CFAP61: variants seen among roughly 807,000 people sequenced by gnomAD.
CFAP61 encodes cilia and flagella associated protein 61, also known as cilia- and flagella-associated protein 61.
A neutral mutation model predicts 135.6 loss-of-function variants in CFAP61; 107 were observed. The ratio of observed to expected loss-of-function variants is 0.79; its 90% CI spans 0.67 to 0.93. The LOEUF (loss-of-function observed/expected upper bound fraction) is 0.93, where lower values mean the gene tolerates loss of function less well. Among genes scored for constraint, CFAP61 ranks in the 40% least tolerant of loss-of-function variants. The pLI, the probability that CFAP61 is intolerant of heterozygous loss-of-function variation, is 0.00. For missense variants in CFAP61, 1,507 were observed against 1,556.2 expected, an observed-to-expected ratio of 0.97 and a Z score of 0.53; for synonymous variants, 575 against 578.5, an observed-to-expected ratio of 0.99 and a Z score of 0.09.
chr20:20,231,643 G>A (rs965354417), intron 18 of CFAP61, among the ~76,000 whole-genome samples: 6 of 152,192 alleles, frequency 3.9e-5, no homozygotes, highest in African/African-American at 1.4e-4. Flanking sequence ...GAGCCCAGGA[G>A]GAAAGGACCC....
intron 19 of CFAP61, among the ~76,000 whole-genome samples, chr20:20,246,960 A>C (rs1161986323): frequency 2.6e-5 from 4 of 152,202 alleles, no homozygotes; most frequent in African/African-American, 9.7e-5. Context: ...GTTCGTTTCC[A>C]CTTTATAATT....
intron 26 of CFAP61, among the ~76,000 whole-genome samples, chr20:20,356,188 ACACTGAGGGGAGGTGGTCATACTGTG>A (rs2059149231): frequency 7.2e-6 from 1 of 139,596 alleles, no homozygotes; most frequent in African/African-American, 2.7e-5. Flanking sequence ...GGGGGTGGTC[ACACTGAGGGGAGGTGGTCATACTGTG>A]AGTGAGGAGC....
intron 9 of CFAP61, among the ~76,000 whole-genome samples, chr20:20,145,194 C>A (rs563276253): frequency 6.6e-6 from 1 of 152,112 alleles, no homozygotes; most frequent in East Asian, 1.9e-4. Context: ...ACAAAAATAG[C>A]GCCGGGTTTA....
intron 17 of CFAP61, among the ~76,000 whole-genome samples, chr20:20,202,211 T>G (rs9941727): frequency 0.049 from 7,500 of 152,224 alleles, 244 homozygotes; most frequent in Middle Eastern, 0.11. Context: ...AGCCAAGATG[T>G]ATTGTTGAAA....
At position 20,168,524 on chromosome 20, in the gene CFAP61, G is replaced by A. The variant is rs139613565; in HGVS notation, c.1246-797G>A. Among the ~76,000 whole-genome samples, 11 of 152,188 alleles carry A rather than the reference G, an allele frequency of 7.2e-5. No individual in the cohort carries two copies. The East Asian group carries it at 2.1e-3, about 29-fold the overall frequency. ...CATCAGAAATAGTTCATCTGTATTT[G>A]TATGTTATAAAATTTACAGTTGGAT... On this transcript the variant is annotated intron_variant, in intron 12 of 26. Coordinates refer to ENST00000245957, the MANE Select transcript of CFAP61 (RefSeq NM_015585.4).
At chr20:20,100,170 A>C (rs1341823554) in intron 8 of CFAP61, among the ~76,000 whole-genome samples, 1 of 148,942 alleles carries the variant, frequency 6.7e-6, no homozygotes, top group Admixed American at 6.7e-5. Context: ...AGCAGCACTA[A>C]ATGGCCTTTT....
At chr20:20,161,669 T>G (rs774680910) in intron 10 of CFAP61, among the ~76,000 whole-genome samples, 2 of 152,152 alleles carry the variant, frequency 1.3e-5, no homozygotes, top group Admixed American at 6.5e-5. Context: ...GAACACTGGA[T>G]CCCTGCAGAC....
chr20:20,166,505 A>G (rs1048701915), intron 12 of CFAP61, 69 bp downstream of exon 12: 6 of 1,239,834 alleles, frequency 4.8e-6, no homozygotes, highest in Non-Finnish European at 5.9e-6. Context: ...GTAAAATGCC[A>G]TAAATTTATT....
intron 2 of CFAP61, among the ~76,000 whole-genome samples, chr20:20,061,195 G>T (rs2044772160): frequency 6.6e-6 from 1 of 151,826 alleles, no homozygotes; most frequent in Admixed American, 6.6e-5. Flanking sequence ...TCTATAGAGG[G>T]AAAAATGGAA....
At chr20:20,112,718 C>T (rs2048882478) in intron 8 of CFAP61, among the ~76,000 whole-genome samples, 1 of 152,088 alleles carries the variant, frequency 6.6e-6, no homozygotes. Context: ...GCTGATTGTT[C>T]GAATGTTTTC....
Position 20,098,646 on chromosome 20 carries a change from A to G in CFAP61, c.700-9A>G. 1.4e-6 allele frequency: 2 copies of G among 1,392,520 alleles called. No individual in the cohort carries two copies. The highest frequency in any genetic ancestry group is 2.0e-6 in the Non-Finnish European group (2 of 1,015,876). 86.3% of individuals were successfully genotyped at this position (1,392,520 alleles called of 1,614,324 possible). ...AAAAAAGAATAATGAGGTGTTTTGG[A>G]TATTTCAGGTGGAAGGCACAGCTGT... On this transcript the variant is annotated splice_polypyrimidine_tract_variant and intron_variant, in intron 7 of 26. Transcript: ENST00000245957.
chr20:20,237,403 A>C (rs2049677500), intron 18 of CFAP61, among the ~76,000 whole-genome samples: 1 of 152,126 alleles, frequency 6.6e-6, no homozygotes, highest in South Asian at 2.1e-4. Flanking sequence ...CCCAAGGTGG[A>C]GCTGGGCAAG....
intron 17 of CFAP61, among the ~76,000 whole-genome samples, chr20:20,211,711 A>C (rs1340763861): frequency 6.6e-6 from 1 of 152,140 alleles, no homozygotes; most frequent in Non-Finnish European, 1.5e-5. Context: ...ATTGTGTCCC[A>C]GGTTTTGTTT....
intron 18 of CFAP61, among the ~76,000 whole-genome samples, chr20:20,231,355 CG>C (rs1351390651): frequency 6.6e-6 from 1 of 152,138 alleles, no homozygotes; most frequent in Non-Finnish European, 1.5e-5. Flanking sequence ...CCTCCAGCAC[CG>C]GGAGACATGC....
intron 7 of CFAP61, among the ~76,000 whole-genome samples, chr20:20,095,126 G>T (rs1568888231): frequency 2.0e-5 from 3 of 151,370 alleles, no homozygotes; most frequent in East Asian, 1.9e-4. Context: ...GTTCTTGAGG[G>T]TTTTTTTTTA....
At position 20,320,199 on chromosome 20, in the gene CFAP61, A is replaced by G. The variant is rs888290880; in HGVS notation, c.3423-21632A>G. ...ACCCTATTTGGATCCTGATTCAGATAAACTGTTAAACAAAAATCTGTGCCA... is the reference window on the plus strand; with the variant it reads ...ACCCTATTTGGATCCTGATTCAGATGAACTGTTAAACAAAAATCTGTGCCA... On this transcript the variant is annotated intron_variant, in intron 25 of 26. Transcript: ENST00000245957. 6.7e-5 allele frequency among the ~76,000 whole-genome samples: 10 copies of G among 149,784 alleles called. No homozygotes were observed. In the East Asian group the frequency reaches 1.8e-3, roughly 26 times the overall value.
At chr20:20,066,686 C>G (rs1264260961) in intron 2 of CFAP61, among the ~76,000 whole-genome samples, 2 of 151,568 alleles carry the variant, frequency 1.3e-5, no homozygotes, top group African/African-American at 4.8e-5. Context: ...GGGGTGGGGG[C>G]TAGGGGAGGG....
intron 21 of CFAP61, among the ~76,000 whole-genome samples, chr20:20,275,677 C>T (rs992931608): frequency 2.0e-5 from 3 of 152,196 alleles, no homozygotes; most frequent in Non-Finnish European, 2.9e-5. Context: ...GAGACCTAAA[C>T]ACACTTAAAT....
chr20:20,287,676 T>C (rs948403478), intron 22 of CFAP61, among the ~76,000 whole-genome samples: 3 of 152,190 alleles, frequency 2.0e-5, no homozygotes, highest in Non-Finnish European at 2.9e-5. Flanking sequence ...AGTGGGGAGA[T>C]GACCATCAGT....
Sources: gnomAD v4.1 joint callset for allele counts (sites outside exome capture counted in the v4.1 genomes callset) on GRCh38, gnomAD v4.1.1 for gene constraint, MANE v1.5 for transcripts, NCBI Gene and HGNC (gene_info 2026-07-23, HGNC 2026-07-21) for gene names.